The following BDP1 variants were observed in gnomAD, a reference collection of about 807,000 sequenced individuals.
BDP1 encodes the protein transcription factor TFIIIB component B'' homolog.
In BDP1, 169 loss-of-function variants were observed where a neutral mutation model predicts 266.6. That is an observed-to-expected ratio of 0.63 (90% CI 0.56 to 0.72). The LOEUF is 0.72. Among genes scored for constraint, BDP1 ranks in the 30% least tolerant of loss-of-function variants. The probability of loss-of-function intolerance (pLI) is 0.00; values close to 1 mark genes in which losing one functional copy is unlikely to be tolerated. For synonymous variants in BDP1, 1,090 were observed against 1,022.4 expected (o/e 1.07, Z -1.26); for missense variants, 3,015 against 3,053.8 (o/e 0.99, Z 0.30).
intron 13 of BDP1, among the ~76,000 whole-genome samples, chr5:71,498,795 C>T (rs1431123312): frequency 6.6e-6 from 1 of 151,118 alleles, no homozygotes; most frequent in African/African-American, 2.4e-5. Flanking sequence ...ATGATCCTGG[C>T]TCACTGCAGC....
downstream of BDP1, among the ~76,000 whole-genome samples, chr5:71,569,807 A>G (rs1352486390): frequency 1.3e-5 from 2 of 150,676 alleles, no homozygotes; most frequent in African/African-American, 4.9e-5. Context: ...ATCTCCATTT[A>G]AAAAAAAAAT....
intron 32 of BDP1, among the ~76,000 whole-genome samples, chr5:71,547,647 G>A (rs1369561213): frequency 6.6e-6 from 1 of 152,174 alleles, no homozygotes; most frequent in Admixed American, 6.6e-5. Context: ...GTTACAAAAT[G>A]AAAGTTTTAA....
chr5:71,561,112 A>G (rs1355789664), intron 37 of BDP1, among the ~76,000 whole-genome samples: 1 of 149,132 alleles, frequency 6.7e-6, no homozygotes, highest in East Asian at 2.0e-4. Context: ...TGAAAAAAGA[A>G]AAAAAAAGGC....
intron 32 of BDP1, among the ~76,000 whole-genome samples, chr5:71,546,080 G>T (rs1424599988): frequency 6.6e-6 from 1 of 152,100 alleles, no homozygotes; most frequent in Non-Finnish European, 1.5e-5. Flanking sequence ...AACTTAGAAA[G>T]ATAGCCTGCA....
chr5:71,550,986 G>A (rs921410562), intron 34 of BDP1, among the ~76,000 whole-genome samples: 22 of 152,272 alleles, frequency 1.4e-4, no homozygotes, highest in Non-Finnish European at 2.5e-4. Flanking sequence ...GATTACAGAC[G>A]TGAGCCACTG....
rs1320405081 is a variant in BDP1, at chr5:71,486,079, T to C, written c.1070-405T>C. Among the ~76,000 whole-genome samples the C allele has an allele frequency of 3.9e-5, 6 of 152,334 alleles. No individual in the cohort carries two copies. In the East Asian group the frequency reaches 1.2e-3, roughly 29 times the overall value. ...TAGCTTAGTGTGTTCTAGAATATCT[T>C]ATACATGGTATCATATAGTATGTAC... On this transcript the variant is annotated intron_variant, in intron 8 of 38. Coordinates refer to ENST00000358731, the MANE Select transcript of BDP1 (RefSeq NM_018429.3).
intron 13 of BDP1, 89 bp from the exon 14 acceptor site, chr5:71,501,473 C>T: frequency 1.2e-6 from 1 of 865,600 alleles, no homozygotes; most frequent in Non-Finnish European, 1.9e-6. Context: ...CGTGCCCGGC[C>T]AGTTCTGTTG....
chr5:71,545,877 G>A (rs1423684418), intron 32 of BDP1, among the ~76,000 whole-genome samples: 3 of 151,118 alleles, frequency 2.0e-5, no homozygotes, highest in Non-Finnish European at 4.4e-5. Context: ...GCATTTGCCT[G>A]TAGTCCCAGC....
intron 29 of BDP1, 117 bp from the exon 30 acceptor site, chr5:71,541,988 T>G: frequency 1.3e-6 from 1 of 794,930 alleles, no homozygotes; most frequent in Non-Finnish European, 2.0e-6. Context: ...AAATGAACAC[T>G]TGTAGACAGT....
chr5:71,569,938 TGTA>T (rs1267391336), downstream of BDP1, among the ~76,000 whole-genome samples: 1 of 152,192 alleles, frequency 6.6e-6, no homozygotes, highest in South Asian at 2.1e-4. Flanking sequence ...CAAATGGAAA[TGTA>T]GTAGGAATCA....
chr5:71,481,124 A>C (rs1762933656), intron 7 of BDP1, among the ~76,000 whole-genome samples: 1 of 151,550 alleles, frequency 6.6e-6, no homozygotes, highest in Non-Finnish European at 1.5e-5. Context: ...CAGTGAGCTG[A>C]GATCGCGCCA....
At chr5:71,498,293 A>G (rs895015788) in intron 13 of BDP1, among the ~76,000 whole-genome samples, 1 of 151,744 alleles carries the variant, frequency 6.6e-6, no homozygotes, top group African/African-American at 2.4e-5. Flanking sequence ...ATGGAGTTTC[A>G]CTGTGTTCAC....
intron 12 of BDP1, among the ~76,000 whole-genome samples, chr5:71,495,656 A>G (rs1049478420): frequency 7.2e-5 from 11 of 152,224 alleles, no homozygotes; most frequent in Non-Finnish European, 7.4e-5. Context: ...GAATTTTAGG[A>G]AGGTGGTAAC....
chr5:71,465,863 A>G (rs1339821371), intron 4 of BDP1, among the ~76,000 whole-genome samples: 1 of 152,128 alleles, frequency 6.6e-6, no homozygotes, highest in Non-Finnish European at 1.5e-5. Context: ...CCTGGGTGAC[A>G]GGGCGAAACT....
chr5:71,490,691 A>G (rs1273435091), intron 10 of BDP1, among the ~76,000 whole-genome samples: 1 of 152,192 alleles, frequency 6.6e-6, no homozygotes, highest in East Asian at 1.9e-4. Context: ...GAGCAAAAGA[A>G]TAGTTAAGTC....
In BDP1 at chr5:71,501,764, A is replaced by G. The variant is rs1033244014; in HGVS notation, c.2048+111A>G. ...GGTCTGAATTTAATTTTCAAGCAGC[A>G]TACTTTAAGTTCGTTTTCAACCATA... On this transcript the variant is annotated intron_variant, in intron 14 of 38. Transcript: ENST00000358731. The G allele has an allele frequency of 1.0e-5, 7 of 692,638 alleles. No homozygotes were observed. The African/African-American group carries it at 1.3e-4, about 13-fold the overall frequency. The allele number at this position is 692,638 out of a possible 1,614,324, so 42.9% of individuals were successfully genotyped here.
At chr5:71,556,143 T>A (rs1252428447) in intron 35 of BDP1, among the ~76,000 whole-genome samples, 1 of 152,148 alleles carries the variant, frequency 6.6e-6, no homozygotes, top group Non-Finnish European at 1.5e-5. Context: ...AGTTCTTTTC[T>A]ATTTAGAGAG....
chr5:71,560,909 G>A (rs1457327350), intron 37 of BDP1, among the ~76,000 whole-genome samples: 1 of 152,180 alleles, frequency 6.6e-6, no homozygotes, highest in Non-Finnish European at 1.5e-5. Context: ...ATTATAGAAG[G>A]TAAAGCTCAG....
In BDP1 at chr5:71,479,528, G is replaced by A. The variant is rs1157008779; in HGVS notation, c.1015-4314G>A. ...TTTTCTTTTTTTTCTGAGTCTGCTT[G>A]CCAGGGAATGGGATCTTTTTCTTTT... On this transcript the variant is annotated intron_variant, in intron 7 of 38. Coordinates refer to ENST00000358731, the MANE Select transcript of BDP1 (RefSeq NM_018429.3). Among the ~76,000 whole-genome samples, 4 of 151,118 alleles carry A rather than the reference G, an allele frequency of 2.6e-5. No homozygotes were observed. In the East Asian group the frequency reaches 5.8e-4, roughly 22 times the overall value.
Sources: allele counts gnomAD v4.1 joint callset (sites outside exome capture counted in the v4.1 genomes callset), GRCh38; gene constraint gnomAD v4.1.1; transcripts MANE v1.5; gene names NCBI Gene and HGNC (gene_info 2026-07-23, HGNC 2026-07-21).